PAM: variants seen among roughly 807,000 people sequenced by gnomAD.
The protein encoded by PAM is peptidylglycine alpha-amidating monooxygenase.
PAM carries 72 observed loss-of-function variants against 122.1 expected under a neutral mutation model. That is an observed-to-expected ratio of 0.59 (90% CI 0.49 to 0.72). The LOEUF (loss-of-function observed/expected upper bound fraction) is 0.72. Among genes scored for constraint, PAM ranks in the 30% least tolerant of loss-of-function variants. The pLI, the probability that PAM is intolerant of heterozygous loss-of-function variation, is 0.00. For missense variants in PAM, 1,106 were observed against 1,183.7 expected, an observed-to-expected ratio of 0.93 and a Z score of 0.96; for synonymous variants, 389 against 404.4, an observed-to-expected ratio of 0.96 and a Z score of 0.46.
At chr5:102,857,391 T>C (rs1782922931) in intron 1 of PAM, among the ~76,000 whole-genome samples, 1 of 152,192 alleles carries the variant, frequency 6.6e-6, no homozygotes, top group South Asian at 2.1e-4. Flanking sequence ...ATGAAATCTT[T>C]CATTTTGAAA....
intron 1 of PAM, among the ~76,000 whole-genome samples, chr5:102,817,880 T>G (rs1443995572): frequency 2.0e-5 from 3 of 151,960 alleles, no homozygotes; most frequent in Non-Finnish European, 4.4e-5. Flanking sequence ...GCCAAACATA[T>G]TTCCATGTTG....
chr5:102,901,518 G>T, intron 4 of PAM, 105 bp downstream of exon 4: 1 of 690,576 alleles, frequency 1.4e-6, no homozygotes, highest in African/African-American at 1.8e-5. Flanking sequence ...ATCTTTTACT[G>T]TCAGTTTCTA....
chr5:102,803,146 AAAGGAAGGAAGGAAGGAAGGAAGGAAGG>A lies in PAM; in HGVS notation c.-374+47833_-374+47860del, dbSNP rs149345963. On this transcript the variant is annotated intron_variant, in intron 1 of 25. Coordinates refer to ENST00000438793, the MANE Select transcript of PAM (RefSeq NM_001177306.2). ...TCCAAAAAAAAAGAAAGAAAGAAAGAAAGGAAGGAAGGAAGGAAGGAAGGAAGGAAGGAAGGAAGGAAGGAAGGAAGGA... is the reference window on the plus strand; with the variant it reads ...TCCAAAAAAAAAGAAAGAAAGAAAGAAAGGAAGGAAGGAAGGAAGGAAGGA... 1.3e-3 allele frequency among the ~76,000 whole-genome samples: 173 copies of A among 133,692 alleles called. 3 individuals carry two copies. Among genetic ancestry groups the A allele is most frequent in the Non-Finnish European group, 1.7e-3 (108 of 63,974 alleles). 87.7% of individuals were successfully genotyped at this position (133,692 alleles called of 152,430 possible).
intron 5 of PAM, 88 bp downstream of exon 5, chr5:102,914,109 G>T: frequency 1.4e-6 from 1 of 733,738 alleles, no homozygotes; most frequent in Non-Finnish European, 2.5e-6. Context: ...TTTACAACTA[G>T]TTAATAAATA....
chr5:102,932,094 C>T (rs1001497170), intron 7 of PAM, among the ~76,000 whole-genome samples: 1 of 152,136 alleles, frequency 6.6e-6, no homozygotes, highest in African/African-American at 2.4e-5. Flanking sequence ...AGTTAGAACA[C>T]TCAGAGGATG....
At chr5:103,026,965 G>A (rs376853684) in intron 24 of PAM, among the ~76,000 whole-genome samples, 1 of 152,302 alleles carries the variant, frequency 6.6e-6, no homozygotes, top group African/African-American at 2.4e-5. Context: ...ACATGATGCT[G>A]ACTTTACAGG....
chr5:102,795,381 G>A (rs73185107), intron 1 of PAM, among the ~76,000 whole-genome samples: 3,461 of 152,090 alleles, frequency 0.023, 132 homozygotes, highest in African/African-American at 0.08. Context: ...AGGAAGAAAT[G>A]TTTTAAACTG....
intron 1 of PAM, among the ~76,000 whole-genome samples, chr5:102,826,065 G>A (rs1773511799): frequency 6.6e-6 from 1 of 152,060 alleles, no homozygotes; most frequent in Admixed American, 6.5e-5. Context: ...CAAACTGATT[G>A]TTAACAAAGT....
chr5:102,777,574 A>G (rs1240360961), intron 1 of PAM, among the ~76,000 whole-genome samples: 1 of 152,172 alleles, frequency 6.6e-6, no homozygotes, highest in Non-Finnish European at 1.5e-5. Context: ...GGATTCTACT[A>G]GAGAATTTAA....
At chr5:102,901,510 C>A in intron 4 of PAM, 97 bp downstream of exon 4, 1 of 711,028 alleles carries the variant, frequency 1.4e-6, no homozygotes, top group Non-Finnish European at 2.5e-6. Flanking sequence ...GCATATTAAT[C>A]TTTTACTGTC....
chr5:102,811,482 T>G (rs192103399), intron 1 of PAM, among the ~76,000 whole-genome samples: 1 of 152,200 alleles, frequency 6.6e-6, no homozygotes, highest in Non-Finnish European at 1.5e-5. Context: ...TTTAGAAGAG[T>G]CATGTCATTA....
chr5:102,889,624 C>A (rs1794173565), intron 3 of PAM, among the ~76,000 whole-genome samples: 1 of 151,802 alleles, frequency 6.6e-6, no homozygotes, highest in Non-Finnish European at 1.5e-5. Context: ...CAAATTAATG[C>A]TTTCATTATA....
At chr5:102,989,528 C>T (rs1327415264) in intron 15 of PAM, among the ~76,000 whole-genome samples, 1 of 151,940 alleles carries the variant, frequency 6.6e-6, no homozygotes, top group African/African-American at 2.4e-5. Flanking sequence ...ACATGCAAAC[C>T]CAGATATTCT....
chr5:103,030,816 G>A (rs879710123), downstream of PAM: 7 of 152,184 alleles, frequency 4.6e-5, no homozygotes, highest in Admixed American at 2.0e-4. Flanking sequence ...GGCTTACAAT[G>A]GAATACAGGT....
rs778057180 is a variant in PAM at position 102,948,406 on chromosome 5, A to C, written c.604A>C (p.Met202Leu). Residue 202 changes from methionine to leucine, a missense_variant, in exon 9 of 26, where the codon ATG becomes CTG. Physicochemically the swap from Met to Leu is conservative, Grantham distance 15. Around this residue, in one of 3 missense-constraint regions of PAM, gnomAD observed 670 missense variants for 690.3 expected, o/e 0.97. Transcript: ENST00000438793. ...GCCTTTAATTGCTGGCATGTACCTT[A>C]TGATGTCTGTTGACACTGTTATCCC... ...PQPLIAGMYL[M>L]MSVDTVIPAG... The C allele has an allele frequency of 1.3e-6, 2 of 1,594,492 alleles. No individual in the cohort carries two copies. Among genetic ancestry groups the C allele is most frequent in the Admixed American group, 3.3e-5 (2 of 59,774 alleles).
In PAM at chr5:103,019,822, A is replaced by C; in HGVS notation, c.2464A>C (p.Ile822Leu). ...LEHRSVKKAG[I>L]EVQEIKEAEA... ...ACATCGATCAGTTAAAAAGGCTGGC[A>C]TTGAGGTCCAGGAAATCAAAGGTTG... Residue 822 changes from isoleucine (I) to leucine (L), a missense_variant, in exon 23 of 26, where the codon ATT becomes CTT. Physicochemically the swap from Ile to Leu is conservative, Grantham distance 5. This residue lies in a region of PAM where 333 missense variants were observed against 335.6 expected (regional missense o/e 0.99). Coordinates refer to ENST00000438793, the MANE Select transcript of PAM (RefSeq NM_001177306.2). The C allele has an allele frequency of 6.2e-7, 1 of 1,607,804 alleles. No homozygotes were observed. Among genetic ancestry groups the C allele is most frequent in the Non-Finnish European group, 8.5e-7 (1 of 1,174,344 alleles).
At chr5:102,989,143 A>G (rs80050056) in intron 15 of PAM, among the ~76,000 whole-genome samples, 2,452 of 152,242 alleles carry the variant, frequency 0.016, 60 homozygotes, top group African/African-American at 0.056. Flanking sequence ...TCATAACTGT[A>G]TATCCTCAAT....
At chr5:103,013,336 G>A (rs536638018) in intron 21 of PAM, among the ~76,000 whole-genome samples, 38 of 151,996 alleles carry the variant, frequency 2.5e-4, no homozygotes, top group South Asian at 1.5e-3. Flanking sequence ...TTGTAAATAG[G>A]ATTACATTTT....
chr5:102,768,740 T>C (rs1754899774), intron 1 of PAM, among the ~76,000 whole-genome samples: 1 of 152,206 alleles, frequency 6.6e-6, no homozygotes, highest in Non-Finnish European at 1.5e-5. Flanking sequence ...CATTGATCTG[T>C]TGATGGATAC....
Sources: allele counts gnomAD v4.1 joint callset (sites outside exome capture counted in the v4.1 genomes callset), GRCh38; gene constraint gnomAD v4.1.1; regional missense constraint gnomAD v4.1.1; transcripts MANE v1.5; gene names NCBI Gene and HGNC (gene_info 2026-07-23, HGNC 2026-07-21).